Variants in UNKL observed in about 807,000 individuals in gnomAD.
UNKL encodes the protein unk like zinc finger.
A neutral mutation model predicts 78.0 loss-of-function variants in UNKL; 60 were observed. The observed-to-expected ratio is 0.77, with a 90% confidence interval of 0.63 to 0.95. The LOEUF (loss-of-function observed/expected upper bound fraction) is 0.95, where lower values mean the gene tolerates loss of function less well. UNKL is among the 40% of genes least tolerant of loss of function. The pLI is 0.00. For missense variants in UNKL, 1,159 were observed against 1,045.7 expected, an observed-to-expected ratio of 1.11 and a Z score of -1.49; for synonymous variants, 608 against 474.8, an observed-to-expected ratio of 1.28 and a Z score of -3.65.
chr16:1,412,680 A>T (rs2038094105), intron 2 of UNKL, among the ~76,000 whole-genome samples: 1 of 152,250 alleles, frequency 6.6e-6, no homozygotes, highest in African/African-American at 2.4e-5. Context: ...GTAAACATCA[A>T]GAGACGAAAC....
rs2035842209 is a variant in UNKL, at chr16:1,371,556, G to A, written c.1320C>T (p.Asp440=). 2.6e-6 allele frequency: 4 copies of A among 1,536,092 alleles called. No homozygotes were observed. Among genetic ancestry groups the A allele is most frequent in the African/African-American group, 1.4e-5 (1 of 73,054 alleles). Residue 440 remains aspartate (D), a synonymous_variant, in exon 11 of 15, where the codon GAC becomes GAT. Transcript: ENST00000389221. ...GGTCGTGGCCGTCTTGCTCTTCCAG[G>A]TCCTTCTCTAGGGATGCAATATTCA... is the stretch of plus-strand genomic sequence containing the variant. ...SNVNIASLEK[D]LEEQDGHDLG...
Position 1,413,697 on chromosome 16 carries a change from G to A in UNKL, c.287+149C>T, listed in dbSNP as rs577471958. Reference sequence around the variant, plus strand: ...AGGAAATGCCGCCCCAGCATCCCTGGTCACTAGAAAATTTCAGCGTATAAT... The same window carrying A: ...AGGAAATGCCGCCCCAGCATCCCTGATCACTAGAAAATTTCAGCGTATAAT... On this transcript the variant is annotated intron_variant, in intron 2 of 14. Transcript: ENST00000389221. 290 of 883,176 alleles carry A rather than the reference G, an allele frequency of 3.3e-4. 8 individuals carry two copies. In the South Asian group the frequency reaches 4.7e-3, roughly 14 times the overall value. 54.7% of individuals were successfully genotyped at this position (883,176 alleles called of 1,614,324 possible). A position where few individuals can be genotyped will look rare whatever the true frequency, so the allele number is the denominator to read the frequency against.
rs1228376636 is a variant in UNKL, at chr16:1,385,348, G to A, written c.1124C>T (p.Ala375Val). The A allele has an allele frequency of 2.1e-6, 3 of 1,417,860 alleles. No individual in the cohort carries two copies. The highest frequency in any genetic ancestry group is 3.0e-5 in the African/African-American group (2 of 66,756). The allele number at this position is 1,417,860 out of a possible 1,614,324, so 87.8% of individuals were successfully genotyped here. Residue 375 changes from alanine (A) to valine (V), a missense_variant, in exon 10 of 15, where the codon GCC becomes GTC. Coordinates refer to ENST00000389221, the MANE Select transcript of UNKL (RefSeq NM_001372107.1). ...LAVFAAVHPP[A>V]PSVSSSVASS... ...CGCCACGCTGGAGCTCACGCTGGGG[G>A]CCGGCGGGTGGACCGCTGCAAACAC...
At position 1,366,225 on chromosome 16, in the gene UNKL, C is replaced by T; in HGVS notation, c.*15G>A. 1 of 1,509,858 alleles carries T rather than the reference C, an allele frequency of 6.6e-7. No individual in the cohort carries two copies. The highest frequency in any genetic ancestry group is 8.9e-7 in the Non-Finnish European group (1 of 1,122,162). The allele number at this position is 1,509,858 out of a possible 1,614,324, so 93.5% of individuals were successfully genotyped here. On this transcript the variant is annotated 3_prime_UTR_variant, in exon 15 of 15. Coordinates refer to ENST00000389221, the MANE Select transcript of UNKL (RefSeq NM_001372107.1). Reference sequence around the variant, plus strand: ...AGCCAGGGTGCCCAGCAGGAGGTGGCTGTCCCCGCTGAGGTCACCACTGCA... The same window carrying T: ...AGCCAGGGTGCCCAGCAGGAGGTGGTTGTCCCCGCTGAGGTCACCACTGCA...
intron 11 of UNKL, among the ~76,000 whole-genome samples, chr16:1,370,892 G>A (rs956052367): frequency 2.0e-5 from 3 of 152,130 alleles, no homozygotes; most frequent in East Asian, 1.9e-4. Flanking sequence ...GACCATCCTG[G>A]CTAACATGGT....
At chr16:1,394,948 G>A (rs1207902533) in intron 6 of UNKL, among the ~76,000 whole-genome samples, 1 of 152,196 alleles carries the variant, frequency 6.6e-6, no homozygotes, top group African/African-American at 2.4e-5. Flanking sequence ...CAAGATCTCG[G>A]CTCACTGCAA....
chr16:1,371,795 G>A (rs1596659347), intron 10 of UNKL, among the ~76,000 whole-genome samples, 184 bp from the exon 11 acceptor site: 1 of 152,152 alleles, frequency 6.6e-6, no homozygotes, highest in East Asian at 1.9e-4. Context: ...CACAGGCAGT[G>A]TGAGGCTTGG....
At chr16:1,405,180 G>C (rs1213659498) in intron 2 of UNKL, among the ~76,000 whole-genome samples, 4 of 139,406 alleles carry the variant, frequency 2.9e-5, no homozygotes, top group African/African-American at 1.1e-4. Flanking sequence ...GGGCAACAGA[G>C]CAAGACCCTG....
At chr16:1,388,255 G>T (rs2036901261) in intron 9 of UNKL, among the ~76,000 whole-genome samples, 1 of 152,192 alleles carries the variant, frequency 6.6e-6, no homozygotes, top group Non-Finnish European at 1.5e-5. Context: ...CACAGTGCAG[G>T]TGCCACGTTT....
At chr16:1,384,390 C>A (rs2142086113) in intron 10 of UNKL, among the ~76,000 whole-genome samples, 1 of 152,230 alleles carries the variant, frequency 6.6e-6, no homozygotes, top group Admixed American at 6.5e-5. Flanking sequence ...AATCTGCCCC[C>A]CAGGGTCTGG....
intron 5 of UNKL, chr16:1,398,975 G>C (rs747765679): frequency 2.6e-5 from 39 of 1,501,458 alleles, no homozygotes; most frequent in Non-Finnish European, 3.2e-5. Context: ...GGTGACGACA[G>C]TGCCTGAGCC....
intron 2 of UNKL, among the ~76,000 whole-genome samples, chr16:1,409,316 C>A (rs1368243097): frequency 6.7e-6 from 1 of 148,822 alleles, no homozygotes; most frequent in Non-Finnish European, 1.5e-5. Flanking sequence ...TAATGAGAAC[C>A]AGAACGGGTA....
At chr16:1,414,092 A>G (rs1462433516) in intron 1 of UNKL, 37 bp from the exon 2 acceptor site, 7 of 1,518,148 alleles carry the variant, frequency 4.6e-6, no homozygotes, top group African/African-American at 1.4e-5. Flanking sequence ...CGCTTCCGGC[A>G]GCACCTCCAG....
chr16:1,378,848 A>AG (rs1596688608), intron 10 of UNKL: 1 of 152,200 alleles, frequency 6.6e-6, no homozygotes, highest in East Asian at 1.9e-4. Context: ...CCAGAAATCA[A>AG]GGGGGGAGAC....
chr16:1,386,406 T>C (rs2036813562), intron 9 of UNKL, among the ~76,000 whole-genome samples: 1 of 151,966 alleles, frequency 6.6e-6, no homozygotes, highest in African/African-American at 2.4e-5. Flanking sequence ...TACAAAAAAT[T>C]AGCCGGGCGT....
intron 9 of UNKL, among the ~76,000 whole-genome samples, chr16:1,386,252 TA>T (rs1484654611): frequency 6.6e-6 from 1 of 151,916 alleles, no homozygotes; most frequent in East Asian, 1.9e-4. Context: ...CTACTAAAAA[TA>T]CAAAAAAAAT....
At chr16:1,380,645 C>T (rs1159270993) in intron 10 of UNKL, among the ~76,000 whole-genome samples, 4 of 147,442 alleles carry the variant, frequency 2.7e-5, no homozygotes, top group Non-Finnish European at 6.0e-5. Context: ...AAAAATCCAT[C>T]TCTTCACCTC....
rs781453601 is a variant in UNKL at position 1,401,526 on chromosome 16, C to T, written c.598+42G>A. On this transcript the variant is annotated intron_variant, in intron 4 of 14. Transcript: ENST00000389221. ...GCCCGAGCTGTTCTCGCGCTGTGCC[C>T]GCCCCCCCCACCACCGCCCTCAGCT... is the stretch of plus-strand genomic sequence containing the variant. The T allele has an allele frequency of 4.9e-6, 7 of 1,423,080 alleles. No individual in the cohort carries two copies. In the African/African-American group the frequency reaches 6.1e-5, roughly 12 times the overall value. The allele number at this position is 1,423,080 out of a possible 1,614,324, so 88.2% of individuals were successfully genotyped here. A position where few individuals can be genotyped will look rare whatever the true frequency, so the allele number is the denominator to read the frequency against.
chr16:1,400,320 A>C (rs1364376961), intron 4 of UNKL, among the ~76,000 whole-genome samples: 1 of 144,206 alleles, frequency 6.9e-6, no homozygotes, highest in East Asian at 2.2e-4. Context: ...CAGGAGGCTG[A>C]GGCAGGAGAA....
Sources: allele counts gnomAD v4.1 joint callset (sites outside exome capture counted in the v4.1 genomes callset), GRCh38; gene constraint gnomAD v4.1.1; transcripts MANE v1.5; gene names NCBI Gene and HGNC (gene_info 2026-07-23, HGNC 2026-07-21).